Variants in PADI1 observed in about 807,000 individuals in gnomAD.
PADI1 encodes the protein protein-arginine deiminase type-1.
A neutral mutation model predicts 74.8 loss-of-function variants in PADI1; 65 were observed. The observed-to-expected ratio is 0.87, with a 90% CI of 0.71 to 1.07. The LOEUF is 1.07. PADI1 is among the 50% of genes least tolerant of loss of function. The probability of loss-of-function intolerance (pLI) is 0.00; values close to 1 mark genes in which losing one functional copy is unlikely to be tolerated. For synonymous variants in PADI1, 371 were observed against 336.2 expected (o/e 1.10, Z -1.13); for missense variants, 943 against 854.0 (o/e 1.10, Z -1.30).
intron 1 of PADI1, among the ~76,000 whole-genome samples, chr1:17,214,501 G>C (rs183686285): frequency 1.0e-3 from 156 of 152,272 alleles, no homozygotes; most frequent in African/African-American, 3.6e-3. Context: ...TTTATTTGGA[G>C]GGGTGCTTTC....
chr1:17,213,042 T>C (rs2071875306), intron 1 of PADI1, among the ~76,000 whole-genome samples: 1 of 152,172 alleles, frequency 6.6e-6, no homozygotes, highest in South Asian at 2.1e-4. Flanking sequence ...CTCCTTCCAG[T>C]CCCCGACAAG....
intron 10 of PADI1, among the ~76,000 whole-genome samples, chr1:17,231,743 G>A (rs2072494873): frequency 6.6e-6 from 1 of 151,682 alleles, no homozygotes; most frequent in Non-Finnish European, 1.5e-5. Flanking sequence ...AAACTAAGAT[G>A]TTTCAGCCTT....
rs549614002 is a variant in PADI1 at position 17,222,195 on chromosome 1, ACGGCCTGGCAGCCCCAAGCCCCCAC to A, written c.93-93_93-69del. 1.1e-3 allele frequency: 913 copies of A among 844,648 alleles called. 10 individuals are homozygous for A. In the South Asian group the frequency reaches 0.013, roughly 12 times the overall value. The allele number at this position is 844,648 out of a possible 1,614,324, so 52.3% of individuals were successfully genotyped here. A position where few individuals can be genotyped will look rare whatever the true frequency, so the allele number is the denominator to read the frequency against. Reference sequence around the variant, plus strand: ...CTGACTGTTGAGGGGTGCCATTTGAACGGCCTGGCAGCCCCAAGCCCCCACCCCACTGTGGCCACTCCCCTGAAGA... The same window carrying A: ...CTGACTGTTGAGGGGTGCCATTTGAACCCACTGTGGCCACTCCCCTGAAGA... On this transcript the variant is annotated intron_variant, in intron 1 of 15. Transcript: ENST00000375471.
intron 8 of PADI1, 83 bp from the exon 9 acceptor site, chr1:17,230,002 G>T: frequency 7.4e-7 from 1 of 1,351,266 alleles, no homozygotes; most frequent in African/African-American, 1.4e-5. Flanking sequence ...GGCTGCACAG[G>T]GCCCAGCACA....
chr1:17,238,281 A>T (rs1349710701), intron 12 of PADI1, among the ~76,000 whole-genome samples: 1 of 152,216 alleles, frequency 6.6e-6, no homozygotes, highest in East Asian at 1.9e-4. Flanking sequence ...ACTGCAGGTG[A>T]TCTGCCCACC....
chr1:17,206,155 T>A (rs769653457), intron 1 of PADI1, among the ~76,000 whole-genome samples: 2 of 152,202 alleles, frequency 1.3e-5, no homozygotes, highest in Non-Finnish European at 2.9e-5. Flanking sequence ...CTGAACCCCT[T>A]GCAGATAGGG....
chr1:17,222,415 A>G lies in PADI1; in HGVS notation c.218A>G (p.Asp73Gly). ...AAGGCCCGTTGGCCGCTAGACACTG[A>G]TGCAGACATGGTCGTATCTGTGGGC... is the stretch of plus-strand genomic sequence containing the variant. ...IGKARWPLDT[D>G]ADMVVSVGTA... Residue 73 changes from aspartate (D) to glycine (G), a missense_variant, in exon 2 of 16, where the codon GAT (aspartate) becomes GGT (glycine). Physicochemically the swap from Asp to Gly is moderately conservative, Grantham distance 94. Transcript: ENST00000375471. The G allele has an allele frequency of 1.2e-6, 2 of 1,614,152 alleles. No individual in the cohort carries two copies. Among genetic ancestry groups the G allele is most frequent in the Non-Finnish European group, 1.7e-6 (2 of 1,179,990 alleles).
At chr1:17,205,896 G>A (rs1378474211) in intron 1 of PADI1, among the ~76,000 whole-genome samples, 2 of 152,200 alleles carry the variant, frequency 1.3e-5, no homozygotes, top group Admixed American at 6.5e-5. Flanking sequence ...TGATTATGGT[G>A]ATGAACAGTG....
chr1:17,225,667 A>G, intron 4 of PADI1, 144 bp from the exon 5 acceptor site: 1 of 661,020 alleles, frequency 1.5e-6, no homozygotes, highest in Non-Finnish European at 2.6e-6. Context: ...TCCATTCCCC[A>G]AATAATCCTT....
chr1:17,220,760 A>C (rs2072125346), intron 1 of PADI1, among the ~76,000 whole-genome samples: 1 of 152,222 alleles, frequency 6.6e-6, no homozygotes, highest in Admixed American at 6.5e-5. Context: ...CCACAGGCTC[A>C]AGAGCCTCCT....
At chr1:17,217,114 G>T (rs144693226) in intron 1 of PADI1, among the ~76,000 whole-genome samples, 23 of 151,978 alleles carry the variant, frequency 1.5e-4, no homozygotes, top group Non-Finnish European at 2.9e-4. Flanking sequence ...GGGGCCAGCC[G>T]CACTCTGAAG....
intron 11 of PADI1, 69 bp downstream of exon 11, chr1:17,233,039 C>T: frequency 7.4e-7 from 1 of 1,350,458 alleles, no homozygotes; most frequent in Non-Finnish European, 9.9e-7. Context: ...CCCTGTGCCC[C>T]CATCACAAAC....
rs41303883 is a variant in PADI1, at chr1:17,245,885, G to A, written c.*1642G>A. On this transcript the variant is annotated 3_prime_UTR_variant, in exon 16 of 16. Coordinates refer to ENST00000375471, the MANE Select transcript of PADI1 (RefSeq NM_013358.3). This position sits in a 1 kb window ranked among gnomAD's most constrained non-coding sequence, Gnocchi z 4.1. The stretch of plus-strand genomic sequence containing the variant: ...GGGCTGGGGGTCGGGGCCACACTGA[G>A]TGTGGGAAGCTCTGGAGTTGCTGCT... The A allele has an allele frequency of 0.052, 7,948 of 152,398 alleles. 267 individuals are homozygous for A. Among genetic ancestry groups the A allele is most frequent in the Middle Eastern group, 0.095 (28 of 294 alleles). The allele number at this position is 152,398 out of a possible 1,614,324, so 9.4% of individuals were successfully genotyped here. A position where few individuals can be genotyped will look rare whatever the true frequency, so the allele number is the denominator to read the frequency against.
intron 1 of PADI1, among the ~76,000 whole-genome samples, chr1:17,206,106 G>A (rs961126430): frequency 6.6e-6 from 1 of 152,194 alleles, no homozygotes; most frequent in Non-Finnish European, 1.5e-5. Context: ...AACTCTGAGA[G>A]GCTGTCTATG....
rs2072295617 is a variant in PADI1 at position 17,225,907 on chromosome 1, A to AGCTGGCTGATGTC, written c.514_526dup (p.Leu177ValfsTer4). 1 of 1,613,956 alleles carries AGCTGGCTGATGTC rather than the reference A, an allele frequency of 6.2e-7. No individual in the cohort carries two copies. Among genetic ancestry groups the AGCTGGCTGATGTC allele is most frequent in the Non-Finnish European group, 8.5e-7 (1 of 1,179,904 alleles). The stretch of plus-strand genomic sequence containing the variant: ...GTCCGCAGAGCCTGACCTCACCCAC[A>AGCTGGCTGATGTC]GCTGGCTGATGTCGCTGGCTGGTGA... On this transcript the variant is annotated frameshift_variant, in exon 5 of 16. Transcript: ENST00000375471. LOFTEE classifies it high-confidence loss of function.
intron 1 of PADI1, among the ~76,000 whole-genome samples, chr1:17,214,687 C>G (rs1263625288): frequency 6.6e-6 from 1 of 152,164 alleles, no homozygotes; most frequent in Non-Finnish European, 1.5e-5. Context: ...CAATACAGCC[C>G]ACTGCAGGGT....
rs553964062 is a variant in PADI1 at position 17,219,063 on chromosome 1, C to T, written c.93-3227C>T. 5.9e-5 allele frequency among the ~76,000 whole-genome samples: 9 copies of T among 152,302 alleles called. No homozygotes were observed. In the East Asian group the frequency reaches 7.7e-4, roughly 13 times the overall value. On this transcript the variant is annotated intron_variant, in intron 1 of 15. Transcript: ENST00000375471. ...ATGCTGTAGGAGCACGAGCATGTCA[C>T]GCATCCATTGAGGTCAGCAGTCATG...
chr1:17,221,997 C>T (rs2072165762), intron 1 of PADI1, among the ~76,000 whole-genome samples: 1 of 152,176 alleles, frequency 6.6e-6, no homozygotes, highest in African/African-American at 2.4e-5. Flanking sequence ...GCAGTGATGT[C>T]AGTGGAGGTG....
chr1:17,225,600 G>A (rs2072285174), intron 4 of PADI1, among the ~76,000 whole-genome samples: 1 of 152,204 alleles, frequency 6.6e-6, no homozygotes, highest in Admixed American at 6.5e-5. Flanking sequence ...ATTGTGTATG[G>A]TTGTGCAGGT....
Sources: allele counts gnomAD v4.1 joint callset (sites outside exome capture counted in the v4.1 genomes callset), GRCh38; gene constraint gnomAD v4.1.1; non-coding constraint Gnocchi (gnomAD v3.1); transcripts MANE v1.5; gene names NCBI Gene and HGNC (gene_info 2026-07-23, HGNC 2026-07-21).